The following KCNH8 variants were observed in gnomAD, a reference collection of about 807,000 sequenced individuals.
KCNH8 encodes the protein potassium voltage-gated channel subfamily H member 8, also known as voltage-gated delayed rectifier potassium channel KCNH8.
KCNH8 carries 70 observed loss-of-function variants against 103.6 expected under a neutral mutation model. That is an observed-to-expected ratio of 0.68 (90% CI 0.56 to 0.82). The LOEUF is 0.82. Ranked by LOEUF, KCNH8 falls within the 40% of genes least tolerant of loss-of-function variation. The pLI is 0.00. For synonymous variants in KCNH8, 498 were observed against 489.4 expected, an observed-to-expected ratio of 1.02 and a Z score of -0.23; for missense variants, 1,217 against 1,329.9, an observed-to-expected ratio of 0.92 and a Z score of 1.32.
At chr3:19,297,573 A>G (rs976366913) in intron 3 of KCNH8, among the ~76,000 whole-genome samples, 1 of 152,182 alleles carries the variant, frequency 6.6e-6, no homozygotes, top group Non-Finnish European at 1.5e-5. Flanking sequence ...GTGTTCTGTC[A>G]TTGCCTTCTG....
intron 1 of KCNH8, among the ~76,000 whole-genome samples, chr3:19,183,363 G>A (rs1275672131): frequency 2.0e-5 from 3 of 152,080 alleles, no homozygotes; most frequent in Non-Finnish European, 4.4e-5. Flanking sequence ...AACTCTACCA[G>A]ATGGCAAGGT....
intron 1 of KCNH8, among the ~76,000 whole-genome samples, chr3:19,235,475 G>T (rs1246853080): frequency 6.6e-6 from 1 of 152,138 alleles, no homozygotes; most frequent in Non-Finnish European, 1.5e-5. Context: ...GACTAAAATT[G>T]AGGAAGCAAT....
intron 3 of KCNH8, among the ~76,000 whole-genome samples, chr3:19,338,548 A>G (rs1362499955): frequency 6.6e-6 from 1 of 152,100 alleles, no homozygotes; most frequent in Non-Finnish European, 1.5e-5. Flanking sequence ...AAATCATTAT[A>G]TACCCCCAAT....
chr3:19,345,553 TC>T (rs1436219142), intron 4 of KCNH8, among the ~76,000 whole-genome samples: 1 of 152,032 alleles, frequency 6.6e-6, no homozygotes, highest in Non-Finnish European at 1.5e-5. Flanking sequence ...CTAGGCAAAC[TC>T]CATGTTTGAC....
chr3:19,421,105 TAAA>T (rs1287147840), intron 7 of KCNH8, among the ~76,000 whole-genome samples: 2 of 152,182 alleles, frequency 1.3e-5, no homozygotes, highest in Non-Finnish European at 2.9e-5. Context: ...AACTACTTTT[TAAA>T]AAATTGGTGA....
intron 5 of KCNH8, among the ~76,000 whole-genome samples, chr3:19,377,260 G>C (rs2066222219): frequency 6.6e-6 from 1 of 152,160 alleles, no homozygotes; most frequent in African/African-American, 2.4e-5. Context: ...ACACATTTCT[G>C]CTGTACAGGA....
intron 11 of KCNH8, among the ~76,000 whole-genome samples, chr3:19,472,568 T>C (rs1322398190): frequency 6.6e-6 from 1 of 152,168 alleles, no homozygotes; most frequent in Non-Finnish European, 1.5e-5. Flanking sequence ...TCCACCATGA[T>C]TGTGAGGCCT....
rs376759571 is a variant in KCNH8, at chr3:19,354,628, G to A, written c.811+6663G>A. Among the ~76,000 whole-genome samples the A allele has an allele frequency of 7.9e-5, 12 of 152,210 alleles. No individual in the cohort carries two copies. In the East Asian group the frequency reaches 1.2e-3, roughly 15 times the overall value. On this transcript the variant is annotated intron_variant, in intron 5 of 15. Transcript: ENST00000328405. ...CAAACCTGAGAAAAACAAGCAATGG[G>A]GAAAGGATTCCCTATTTAATAAATG...
rs189423214 is a variant in KCNH8, at chr3:19,296,788, C to T, written c.442+15459C>T. 1.7e-4 allele frequency among the ~76,000 whole-genome samples: 26 copies of T among 151,886 alleles called. No homozygotes were observed. In the East Asian group the frequency reaches 2.5e-3, roughly 15 times the overall value. On this transcript the variant is annotated intron_variant, in intron 3 of 15. Transcript: ENST00000328405. ...GGTGCACCAAAATCTCACAAATTGC[C>T]GCTAAAGAACTTATTCATGTAACCA...
intron 7 of KCNH8, among the ~76,000 whole-genome samples, chr3:19,432,988 G>A (rs2067144958): frequency 6.6e-6 from 1 of 151,902 alleles, no homozygotes; most frequent in Non-Finnish European, 1.5e-5. Flanking sequence ...GGGTTTTTTT[G>A]TTTGCTTGTC....
chr3:19,503,790 A>T (rs1297519809), intron 11 of KCNH8, among the ~76,000 whole-genome samples: 2 of 73,966 alleles, frequency 2.7e-5, no homozygotes, highest in Admixed American at 1.5e-4. Flanking sequence ...GGGTAGGGGG[A>T]GGGGGGAGGG....
intron 1 of KCNH8, among the ~76,000 whole-genome samples, chr3:19,210,688 TAA>T (rs113050711): frequency 1.4e-3 from 199 of 146,638 alleles, no homozygotes; most frequent in African/African-American, 4.4e-3. Flanking sequence ...AACCTATCAG[TAA>T]AAAAAAAAAA....
intron 2 of KCNH8, 74 bp downstream of exon 2, chr3:19,253,961 CA>C (rs1331394944): frequency 9.9e-7 from 1 of 1,012,880 alleles, no homozygotes; most frequent in East Asian, 2.4e-5. Context: ...AATTGCTCCG[CA>C]ACTCCCATTA....
At chr3:19,218,697 C>T (rs943818619) in intron 1 of KCNH8, among the ~76,000 whole-genome samples, 1 of 152,160 alleles carries the variant, frequency 6.6e-6, no homozygotes, top group African/African-American at 2.4e-5. Flanking sequence ...TCTCATGGTT[C>T]CAGAAGCTGA....
At chr3:19,155,331 A>G (rs928101911) in intron 1 of KCNH8, among the ~76,000 whole-genome samples, 3 of 151,922 alleles carry the variant, frequency 2.0e-5, no homozygotes, top group Admixed American at 2.0e-4. Flanking sequence ...TGGTACCTCA[A>G]TTCCCTCTTT....
chr3:19,275,842 T>C (rs2064662300), intron 2 of KCNH8, among the ~76,000 whole-genome samples: 1 of 152,094 alleles, frequency 6.6e-6, no homozygotes, highest in Non-Finnish European at 1.5e-5. Flanking sequence ...TCTGGAATGT[T>C]GTGCTGATTT....
chr3:19,349,095 A>C (rs1284300422), intron 5 of KCNH8, among the ~76,000 whole-genome samples: 1 of 151,990 alleles, frequency 6.6e-6, no homozygotes, highest in Admixed American at 6.6e-5. Flanking sequence ...CTGTCACCCC[A>C]GAAGTGGTAG....
chr3:19,313,814 G>T (rs549132774), intron 3 of KCNH8, among the ~76,000 whole-genome samples: 3 of 151,860 alleles, frequency 2.0e-5, no homozygotes, highest in Non-Finnish European at 2.9e-5. Context: ...GTTACCTTAA[G>T]GTCCTATTCA....
intron 3 of KCNH8, among the ~76,000 whole-genome samples, chr3:19,290,380 G>A (rs994781778): frequency 2.0e-5 from 3 of 152,050 alleles, no homozygotes; most frequent in African/African-American, 7.3e-5. Context: ...TTGGCTGTGG[G>A]TTTGTCATAT....
Sources: allele counts gnomAD v4.1 joint callset (sites outside exome capture counted in the v4.1 genomes callset), GRCh38; gene constraint gnomAD v4.1.1; transcripts MANE v1.5; gene names NCBI Gene and HGNC (gene_info 2026-07-23, HGNC 2026-07-21).